TBC1D2: variants seen among roughly 807,000 people sequenced by gnomAD.
The protein encoded by TBC1D2 is TBC1 domain family member 2A.
In TBC1D2, 58 loss-of-function variants were observed where a neutral mutation model predicts 91.1. The ratio of observed to expected loss-of-function variants is 0.64; its 90% CI spans 0.52 to 0.79. The LOEUF (loss-of-function observed/expected upper bound fraction) is 0.79. Ranked by LOEUF, TBC1D2 falls within the 30% of genes least tolerant of loss-of-function variation. The pLI is 0.00. For synonymous variants in TBC1D2, 482 were observed against 511.5 expected (o/e 0.94, Z 0.78); for missense variants, 1,080 against 1,208.3 (o/e 0.89, Z 1.57).
intron 9 of TBC1D2, among the ~76,000 whole-genome samples, chr9:98,208,403 G>A (rs369191036): frequency 1.5e-3 from 222 of 152,258 alleles, no homozygotes; most frequent in African/African-American, 5.2e-3. Flanking sequence ...AGATCATCAG[G>A]CATTAGATTC....
chr9:98,202,032 G>A (rs1828520798), intron 10 of TBC1D2, among the ~76,000 whole-genome samples: 1 of 152,196 alleles, frequency 6.6e-6, no homozygotes, highest in African/African-American at 2.4e-5. Context: ...CTCATGCCCA[G>A]GGGCCTTGGC....
At position 98,210,523 on chromosome 9, in the gene TBC1D2, C is replaced by A. The variant is rs555675414; in HGVS notation, c.1673+133G>T. On this transcript the variant is annotated intron_variant, in intron 8 of 12. Coordinates refer to ENST00000465784, the MANE Select transcript of TBC1D2 (RefSeq NM_001267571.2). ...GAACCATCTCAGCTGCAGCCGCACA[C>A]TAATGCATGTGAAGATCAGAGGAGG... 1,059 of 869,342 alleles carry A rather than the reference C, an allele frequency of 1.2e-3. 1 individual carries two copies. Among genetic ancestry groups the A allele is most frequent in the Non-Finnish European group, 1.4e-3 (837 of 592,644 alleles). 53.9% of individuals were successfully genotyped at this position (869,342 alleles called of 1,614,324 possible). A position where few individuals can be genotyped will look rare whatever the true frequency, so the allele number is the denominator to read the frequency against.
chr9:98,203,617 T>C (rs1276839541), intron 9 of TBC1D2, among the ~76,000 whole-genome samples: 1 of 152,062 alleles, frequency 6.6e-6, no homozygotes, highest in Non-Finnish European at 1.5e-5. Flanking sequence ...TCCAGAGCAA[T>C]GGGGGTCACT....
chr9:98,234,126 C>T (rs1829444517), intron 3 of TBC1D2, among the ~76,000 whole-genome samples: 1 of 152,182 alleles, frequency 6.6e-6, no homozygotes, highest in African/African-American at 2.4e-5. Context: ...CATCTCATGG[C>T]CTCCAAGGGG....
At chr9:98,213,383 T>G (rs1394173111) in intron 6 of TBC1D2, 165 bp from the exon 7 acceptor site, 22 of 1,430,804 alleles carry the variant, frequency 1.5e-5, no homozygotes, top group African/African-American at 2.9e-5. Context: ...CATAGCACCC[T>G]TCTCTATTCT....
chr9:98,220,756 G>A (rs1184052564), intron 6 of TBC1D2, 77 bp downstream of exon 6: 2 of 1,557,614 alleles, frequency 1.3e-6, no homozygotes, highest in Admixed American at 3.6e-5. Flanking sequence ...AAACCCTTAG[G>A]GGTGGAGAGC....
At chr9:98,217,691 C>G (rs894535744) in intron 6 of TBC1D2, among the ~76,000 whole-genome samples, 1 of 152,138 alleles carries the variant, frequency 6.6e-6, no homozygotes, top group African/African-American at 2.4e-5. Flanking sequence ...GGAACACCAA[C>G]TACATGCAAC....
chr9:98,201,437 C>G (rs373038046), intron 11 of TBC1D2, 42 bp downstream of exon 11: 8 of 1,586,852 alleles, frequency 5.0e-6, no homozygotes, highest in Non-Finnish European at 6.9e-6. Flanking sequence ...GGTGAAGGGA[C>G]TTGCTCAGGG....
Position 98,199,258 on chromosome 9 carries a change from A to C in TBC1D2, c.*123T>G. ...GGGAAACTGAGGGCCAGAGAGGGGA[A>C]GGGACATGTCCAAGGTCACATGGTG... On this transcript the variant is annotated 3_prime_UTR_variant, in exon 13 of 13. Coordinates refer to ENST00000465784, the MANE Select transcript of TBC1D2 (RefSeq NM_001267571.2). 3.9e-6 allele frequency: 4 copies of C among 1,035,472 alleles called. No individual in the cohort carries two copies. Among genetic ancestry groups the C allele is most frequent in the Non-Finnish European group, 5.8e-6 (4 of 695,262 alleles). 64.1% of individuals were successfully genotyped at this position (1,035,472 alleles called of 1,614,324 possible). A position where few individuals can be genotyped will look rare whatever the true frequency, so the allele number is the denominator to read the frequency against.
intron 12 of TBC1D2, 77 bp from the exon 13 acceptor site, chr9:98,199,665 T>A (rs1828433536): frequency 6.8e-7 from 1 of 1,474,132 alleles, no homozygotes; most frequent in Admixed American, 1.7e-5. Context: ...CAGACAGACA[T>A]CCCCGCATTC....
intron 7 of TBC1D2, 129 bp downstream of exon 7, chr9:98,212,979 G>T (rs931180480): frequency 1.9e-5 from 19 of 990,200 alleles, no homozygotes; most frequent in Non-Finnish European, 2.6e-5. Context: ...TATGGGCCCT[G>T]CTCACAAGGG....
intron 3 of TBC1D2, chr9:98,235,445 A>G: frequency 2.1e-6 from 1 of 482,132 alleles, no homozygotes; most frequent in Non-Finnish European, 4.1e-6. Flanking sequence ...CAGCTAATTG[A>G]AAAAATGAAT....
At chr9:98,233,589 C>T in intron 3 of TBC1D2, 40 bp from the exon 4 acceptor site, 1 of 1,605,602 alleles carries the variant, frequency 6.2e-7, no homozygotes, top group Non-Finnish European at 8.5e-7. Flanking sequence ...AGGCTGAACC[C>T]TGCCTTTCTG....
At chr9:98,235,431 G>T in intron 3 of TBC1D2, 1 of 483,880 alleles carries the variant, frequency 2.1e-6, no homozygotes. Context: ...CCTTGGATGA[G>T]AAACAGCTAA....
chr9:98,209,051 G>A lies in TBC1D2; in HGVS notation c.1767C>T (p.Ser589=). ...CAGCCTCGAGGCCCAGCAGGTGGTGGGATCGTGACTCCAATGCCTGGATCT... is the reference window on the plus strand; with the variant it reads ...CAGCCTCGAGGCCCAGCAGGTGGTGAGATCGTGACTCCAATGCCTGGATCT... ...LAKIQALESR[S]HHLLGLEAVD... is the part of the protein sequence containing the mutation. Residue 589 remains serine (S), a synonymous_variant, in exon 9 of 13, where the codon TCC becomes TCT. Transcript: ENST00000465784. The A allele has an allele frequency of 6.2e-7, 1 of 1,614,154 alleles. No homozygotes were observed. The highest frequency in any genetic ancestry group is 8.5e-7 in the Non-Finnish European group (1 of 1,180,024).
rs1829948903 is a variant in TBC1D2, at chr9:98,255,253, T to TGGAGA, written c.284_288dup (p.Ala98ProfsTer27). The TGGAGA allele has an allele frequency of 6.2e-7, 1 of 1,614,204 alleles. No individual in the cohort carries two copies. The highest frequency in any genetic ancestry group is 1.6e-4 in the Middle Eastern group (1 of 6,062). On this transcript the variant is annotated frameshift_variant, in exon 1 of 13. Transcript: ENST00000465784. LOFTEE classifies it high-confidence loss of function. ...TCCGCCTTACAGTCAAACACTGCACTGGAGAGGTCGATGCTGTCCAAGGGA... is the reference window on the plus strand; with the variant it reads ...TCCGCCTTACAGTCAAACACTGCACTGGAGAGGAGAGGTCGATGCTGTCCAAGGGA...
intron 6 of TBC1D2, among the ~76,000 whole-genome samples, chr9:98,219,404 A>T (rs1209287179): frequency 6.6e-6 from 1 of 152,072 alleles, no homozygotes; most frequent in East Asian, 1.9e-4. Context: ...CTCACCGAGT[A>T]GTTCTTTGAT....
intron 2 of TBC1D2, among the ~76,000 whole-genome samples, chr9:98,244,880 T>C (rs1451478159): frequency 6.6e-6 from 1 of 151,984 alleles, no homozygotes; most frequent in Non-Finnish European, 1.5e-5. Context: ...TTCAAAACAA[T>C]GTGAATAAAT....
chr9:98,201,338 A>C (rs897891632), intron 11 of TBC1D2, 141 bp downstream of exon 11: 1 of 726,206 alleles, frequency 1.4e-6, no homozygotes, highest in Admixed American at 2.9e-5. Flanking sequence ...AGCATTTTGC[A>C]GTTGACAATG....
Sources: gnomAD v4.1 joint callset for allele counts (sites outside exome capture counted in the v4.1 genomes callset) on GRCh38, gnomAD v4.1.1 for gene constraint, MANE v1.5 for transcripts, NCBI Gene and HGNC (gene_info 2026-07-23, HGNC 2026-07-21) for gene names.